WWOX: variants seen among roughly 807,000 people sequenced by gnomAD.
WWOX encodes WW domain-containing oxidoreductase.
Under a neutral mutation model 46.2 loss-of-function variants are expected in WWOX, and 69 were observed. The observed-to-expected ratio is 1.49, with a 90% CI of 1.23 to 1.82. WWOX has a LOEUF of 1.82. Ranked by LOEUF, WWOX falls within the 40% of genes most tolerant of loss-of-function variation. The pLI, the probability that WWOX is intolerant of heterozygous loss-of-function variation, is 0.00. For synonymous variants in WWOX, 359 were observed against 202.6 expected (o/e 1.77, Z -6.56); for missense variants, 919 against 542.6 (o/e 1.69, Z -6.89).
At chr16:78,432,184 C>A (rs1206253224) in intron 7 of WWOX, among the ~76,000 whole-genome samples, 1 of 150,994 alleles carries the variant, frequency 6.6e-6, no homozygotes, top group East Asian at 1.9e-4. Flanking sequence ...GTGGCACAAT[C>A]TTTGCTCACT....
chr16:78,997,464 C>T (rs534095673), intron 8 of WWOX, among the ~76,000 whole-genome samples: 1 of 152,252 alleles, frequency 6.6e-6, no homozygotes, highest in East Asian at 1.9e-4. Flanking sequence ...GGCCTGACCT[C>T]CCTTTTCTCT....
chr16:78,207,873 C>A (rs186881251), intron 5 of WWOX, among the ~76,000 whole-genome samples: 1 of 151,842 alleles, frequency 6.6e-6, no homozygotes, highest in African/African-American at 2.4e-5. Flanking sequence ...AGTACAGTGG[C>A]GTGATCTTGG....
At chr16:79,054,101 G>A (rs757053103) in intron 8 of WWOX, among the ~76,000 whole-genome samples, 4 of 152,232 alleles carry the variant, frequency 2.6e-5, no homozygotes, top group African/African-American at 9.6e-5. Flanking sequence ...TTCAGCACTG[G>A]CTGTATAAGA....
chr16:78,441,595 A>C (rs573830579), intron 8 of WWOX, among the ~76,000 whole-genome samples: 1 of 152,224 alleles, frequency 6.6e-6, no homozygotes, highest in South Asian at 2.1e-4. Context: ...GAGGCACAGG[A>C]GAGACAGGAT....
In WWOX at chr16:78,540,800, C is replaced by A. The variant is rs574117110; in HGVS notation, c.1056+108048C>A. On this transcript the variant is annotated intron_variant, in intron 8 of 8. Coordinates refer to ENST00000566780, the MANE Select transcript of WWOX (RefSeq NM_016373.4). ...TTCATGAGCCCAAGCGATCTTCCCA[C>A]CTCAGCCTGAGTAGATGGGACTACA... is the stretch of plus-strand genomic sequence containing the variant. Among the ~76,000 whole-genome samples the A allele has an allele frequency of 1.5e-4, 23 of 152,280 alleles. No homozygotes were observed. In the South Asian group the frequency reaches 4.8e-3, roughly 32 times the overall value.
chr16:78,549,373 C>T (rs1047207403), intron 8 of WWOX, among the ~76,000 whole-genome samples: 8 of 152,184 alleles, frequency 5.3e-5, no homozygotes, highest in African/African-American at 1.9e-4. Context: ...GTCACTTGCA[C>T]TCAAAAGGTT....
intron 8 of WWOX, among the ~76,000 whole-genome samples, chr16:78,946,662 C>T (rs1308726011): frequency 6.6e-6 from 1 of 152,120 alleles, no homozygotes; most frequent in Non-Finnish European, 1.5e-5. Flanking sequence ...GGCATGTCTC[C>T]ACTCTGCAGA....
intron 8 of WWOX, among the ~76,000 whole-genome samples, chr16:79,046,497 G>C (rs1275150466): frequency 6.6e-6 from 1 of 152,196 alleles, no homozygotes; most frequent in Non-Finnish European, 1.5e-5. Context: ...TCACTGTCTG[G>C]TGAAGGCTGG....
intron 8 of WWOX, among the ~76,000 whole-genome samples, chr16:78,723,341 G>T (rs551716329): frequency 6.6e-6 from 1 of 152,076 alleles, no homozygotes; most frequent in Non-Finnish European, 1.5e-5. Flanking sequence ...TGTCAACGTG[G>T]CTTTTGCTAA....
chr16:79,083,842 C>T (rs976146133), intron 8 of WWOX, among the ~76,000 whole-genome samples: 1 of 152,186 alleles, frequency 6.6e-6, no homozygotes, highest in Non-Finnish European at 1.5e-5. Context: ...ACTCTTTTGC[C>T]AGATGGTTGA....
At chr16:78,277,354 C>T (rs1432500009) in intron 5 of WWOX, among the ~76,000 whole-genome samples, 1 of 152,144 alleles carries the variant, frequency 6.6e-6, no homozygotes, top group Non-Finnish European at 1.5e-5. Flanking sequence ...TTCTTTCCTG[C>T]CCATTGCCAT....
chr16:78,847,896 G>C (rs573266592), intron 8 of WWOX, among the ~76,000 whole-genome samples: 2 of 152,180 alleles, frequency 1.3e-5, no homozygotes, highest in African/African-American at 2.4e-5. Flanking sequence ...GTCAGATACT[G>C]GGACTTTCTG....
At chr16:78,313,433 C>T (rs1028706069) in intron 5 of WWOX, among the ~76,000 whole-genome samples, 10 of 152,156 alleles carry the variant, frequency 6.6e-5, no homozygotes, top group Non-Finnish European at 1.3e-4. Context: ...GTGGTACGAT[C>T]TTAGCTCACC....
intron 4 of WWOX, among the ~76,000 whole-genome samples, chr16:78,159,558 T>G (rs1455279548): frequency 3.3e-5 from 5 of 152,130 alleles, no homozygotes; most frequent in South Asian, 4.1e-4. Context: ...TGGTTTCAAT[T>G]TGCATTTTCC....
chr16:78,485,656 A>G (rs930610586), intron 8 of WWOX, among the ~76,000 whole-genome samples: 35 of 152,342 alleles, frequency 2.3e-4, no homozygotes, highest in Admixed American at 1.7e-3. Context: ...CGCGTGAAGG[A>G]CATCTGCTCA....
intron 8 of WWOX, among the ~76,000 whole-genome samples, chr16:78,914,874 G>A (rs1156880877): frequency 1.2e-4 from 11 of 94,156 alleles, no homozygotes; most frequent in Non-Finnish European, 2.1e-4. Flanking sequence ...GCGAGACTCC[G>A]CCTCAGAAAA....
At chr16:78,942,102 C>A (rs1356161565) in intron 8 of WWOX, among the ~76,000 whole-genome samples, 3 of 152,152 alleles carry the variant, frequency 2.0e-5, no homozygotes, top group Admixed American at 2.0e-4. Context: ...TTACGTATGA[C>A]TGTGATTCTA....
intron 8 of WWOX, among the ~76,000 whole-genome samples, chr16:78,873,907 C>T (rs967684658): frequency 5.3e-5 from 8 of 152,036 alleles, no homozygotes; most frequent in Non-Finnish European, 1.0e-4. Flanking sequence ...GTCCTAGTGT[C>T]TCTGAAGACT....
intron 8 of WWOX, among the ~76,000 whole-genome samples, chr16:78,971,008 G>T (rs1597221398): frequency 6.6e-6 from 1 of 152,098 alleles, no homozygotes; most frequent in African/African-American, 2.4e-5. Flanking sequence ...CCATTCTCAT[G>T]CTAGCTTCAT....
Sources: gnomAD v4.1 joint callset for allele counts (sites outside exome capture counted in the v4.1 genomes callset) on GRCh38, gnomAD v4.1.1 for gene constraint, MANE v1.5 for transcripts, NCBI Gene and HGNC (gene_info 2026-07-23, HGNC 2026-07-21) for gene names.